The following ANKS4B variants were observed in gnomAD, a reference collection of about 807,000 sequenced individuals.
ANKS4B encodes the protein ankyrin repeat and SAM domain-containing protein 4B.
Under a neutral mutation model 20.2 loss-of-function variants are expected in ANKS4B, and 21 were observed. The ratio of observed to expected loss-of-function variants is 1.04; its 90% CI spans 0.74 to 1.50. The LOEUF is 1.50. Among genes scored for constraint, ANKS4B ranks in the 40% most tolerant of loss-of-function variants. The pLI is 0.00. For missense variants in ANKS4B, 473 were observed against 494.6 expected (o/e 0.96, Z 0.41); for synonymous variants, 179 against 194.5 (o/e 0.92, Z 0.66).
At chr16:21,237,153 TG>T (rs962631879) in intron 1 of ANKS4B, among the ~76,000 whole-genome samples, 9 of 152,138 alleles carry the variant, frequency 5.9e-5, no homozygotes, top group Non-Finnish European at 1.3e-4. Flanking sequence ...CCTAAGTAGC[TG>T]GGTCTACAGG....
rs558312696 is a variant in ANKS4B, at chr16:21,242,056, T to A, written c.165-7675T>A. 1.3e-4 allele frequency among the ~76,000 whole-genome samples: 20 copies of A among 152,230 alleles called. No individual in the cohort carries two copies. In the South Asian group the frequency reaches 3.7e-3, roughly 28 times the overall value. On this transcript the variant is annotated intron_variant, in intron 1 of 1. Coordinates refer to ENST00000311620, the MANE Select transcript of ANKS4B (RefSeq NM_145865.3). ...CTATAAAAAATAAATAACTAATTTT[T>A]AAAAAAACTATAGTCATCATGTGTT...
At chr16:21,236,895 G>A (rs2093320884) in intron 1 of ANKS4B, among the ~76,000 whole-genome samples, 1 of 152,052 alleles carries the variant, frequency 6.6e-6, no homozygotes, top group Non-Finnish European at 1.5e-5. Context: ...ATAAATTTCA[G>A]GGACTTTGTA....
At chr16:21,245,492 G>C (rs1188565748) in intron 1 of ANKS4B, among the ~76,000 whole-genome samples, 1 of 150,902 alleles carries the variant, frequency 6.6e-6, no homozygotes, top group Non-Finnish European at 1.5e-5. Context: ...TTATTTTTTT[G>C]AGACAGAGTC....
Position 21,250,535 on chromosome 16 carries a change from C to A in ANKS4B, c.969C>A (p.Asn323Lys). The A allele has an allele frequency of 1.2e-6, 2 of 1,614,138 alleles. No individual in the cohort carries two copies. The highest frequency in any genetic ancestry group is 1.7e-6 in the Non-Finnish European group (2 of 1,180,018). The stretch of plus-strand genomic sequence containing the variant: ...CAGCTGATGAAGAGGGAGAGGAAAA[C>A]GGCCTCAAAGATGATCTGCCGTGGG... ...EGAADEEGEE[N>K]GLKDDLPWDD... is the part of the protein sequence containing the mutation. Residue 323 changes from asparagine to lysine, a missense_variant, in exon 2 of 2, where the codon AAC becomes AAA. Physicochemically the swap from Asn to Lys is moderately conservative, Grantham distance 94 (BLOSUM62 0). Coordinates refer to ENST00000311620, the MANE Select transcript of ANKS4B (RefSeq NM_145865.3).
chr16:21,250,952 G>A lies in ANKS4B; in HGVS notation c.*132G>A. On this transcript the variant is annotated 3_prime_UTR_variant, in exon 2 of 2. Coordinates refer to ENST00000311620, the MANE Select transcript of ANKS4B (RefSeq NM_145865.3). ...GGGCATCGGAAATGCCTACCTGAGAGAGAGACCCAAACTTTACTCTGGGAG... is the reference window on the plus strand; with the variant it reads ...GGGCATCGGAAATGCCTACCTGAGAAAGAGACCCAAACTTTACTCTGGGAG... 1.5e-6 allele frequency: 2 copies of A among 1,319,678 alleles called. No individual in the cohort carries two copies. The highest frequency in any genetic ancestry group is 2.4e-5 in the East Asian group (1 of 42,104). 81.7% of individuals were successfully genotyped at this position (1,319,678 alleles called of 1,614,324 possible). A position where few individuals can be genotyped will look rare whatever the true frequency, so the allele number is the denominator to read the frequency against.
intron 1 of ANKS4B, among the ~76,000 whole-genome samples, chr16:21,245,702 T>C (rs989393339): frequency 9.9e-5 from 15 of 152,074 alleles, no homozygotes; most frequent in African/African-American, 3.6e-4. Context: ...TGGCCTCCAG[T>C]GATCCACCAG....
chr16:21,253,044 GAAAA>G lies in ANKS4B; in HGVS notation c.*2227_*2230del, dbSNP rs1378000458. On this transcript the variant is annotated 3_prime_UTR_variant, in exon 2 of 2. Transcript: ENST00000311620. ...TCTCAAAAAAAAAAAAAAAAAAAAAGAAAAAAGAAACTGACAACACTGCTGCTGA... is the reference window on the plus strand; with the variant it reads ...TCTCAAAAAAAAAAAAAAAAAAAAAGAAGAAACTGACAACACTGCTGCTGA... 1 of 131,204 alleles carries G rather than the reference GAAAA, an allele frequency of 7.6e-6. No individual in the cohort carries two copies. Among genetic ancestry groups the G allele is most frequent in the Non-Finnish European group, 1.7e-5 (1 of 60,494 alleles). 8.1% of individuals were successfully genotyped at this position (131,204 alleles called of 1,614,324 possible). A position where few individuals can be genotyped will look rare whatever the true frequency, so the allele number is the denominator to read the frequency against.
At chr16:21,245,716 C>T (rs774085875) in intron 1 of ANKS4B, among the ~76,000 whole-genome samples, 13 of 152,100 alleles carry the variant, frequency 8.5e-5, no homozygotes, top group Non-Finnish European at 1.6e-4. Flanking sequence ...CCACCAGCCT[C>T]GGCCTCCCAA....
intron 1 of ANKS4B, among the ~76,000 whole-genome samples, chr16:21,243,159 G>A (rs1230153743): frequency 2.0e-5 from 3 of 152,200 alleles, no homozygotes; most frequent in East Asian, 1.9e-4. Flanking sequence ...TGTAACAGAT[G>A]CTCAGGGTAA....
At position 21,252,514 on chromosome 16, in the gene ANKS4B, A is replaced by G. The variant is rs1019281424; in HGVS notation, c.*1694A>G. The G allele has an allele frequency of 2.0e-5, 3 of 152,244 alleles. No individual in the cohort carries two copies. The highest frequency in any genetic ancestry group is 7.2e-5 in the African/African-American group (3 of 41,464). The allele number at this position is 152,244 out of a possible 1,614,324, so 9.4% of individuals were successfully genotyped here. A position where few individuals can be genotyped will look rare whatever the true frequency, so the allele number is the denominator to read the frequency against. The stretch of plus-strand genomic sequence containing the variant: ...GTCCTAAGTAAGAGGGTTGGGGAGG[A>G]GACCAAGAAAAATACAGAAAAAAAG... On this transcript the variant is annotated 3_prime_UTR_variant, in exon 2 of 2. Coordinates refer to ENST00000311620, the MANE Select transcript of ANKS4B (RefSeq NM_145865.3).
At chr16:21,237,932 C>A (rs536390811) in intron 1 of ANKS4B, among the ~76,000 whole-genome samples, 11 of 152,114 alleles carry the variant, frequency 7.2e-5, no homozygotes, top group Non-Finnish European at 8.8e-5. Flanking sequence ...GAAGCCAAGG[C>A]GGGCAGATCA....
chr16:21,239,474 A>G (rs952769319), intron 1 of ANKS4B, among the ~76,000 whole-genome samples: 1 of 152,180 alleles, frequency 6.6e-6, no homozygotes, highest in East Asian at 1.9e-4. Context: ...CCAGCTCCTC[A>G]GGAGGCTGAG....
At chr16:21,236,232 A>G (rs2093320073) in intron 1 of ANKS4B, among the ~76,000 whole-genome samples, 3 of 152,166 alleles carry the variant, frequency 2.0e-5, no homozygotes, top group African/African-American at 7.2e-5. Context: ...AGATCTAATG[A>G]GAGCTCACTA....
intron 1 of ANKS4B, among the ~76,000 whole-genome samples, chr16:21,235,175 A>G (rs988256012): frequency 2.0e-5 from 3 of 152,222 alleles, no homozygotes; most frequent in Non-Finnish European, 2.9e-5. Context: ...ACAAAAAGGG[A>G]AATAGAGGGC....
chr16:21,247,057 T>G (rs1298897310), intron 1 of ANKS4B, among the ~76,000 whole-genome samples: 4 of 151,952 alleles, frequency 2.6e-5, no homozygotes, highest in African/African-American at 9.7e-5. Flanking sequence ...TCTTCTGTAC[T>G]TTTTTTGGTT....
intron 1 of ANKS4B, among the ~76,000 whole-genome samples, chr16:21,236,696 CCACAG>C (rs2152859137): frequency 6.6e-6 from 1 of 152,188 alleles, no homozygotes; most frequent in South Asian, 2.1e-4. Flanking sequence ...CAGGTGTGAG[CCACAG>C]CACTCAGCCT....
At chr16:21,247,905 T>C (rs960920310) in intron 1 of ANKS4B, among the ~76,000 whole-genome samples, 2 of 152,228 alleles carry the variant, frequency 1.3e-5, no homozygotes, top group Non-Finnish European at 2.9e-5. Context: ...GACACACTTA[T>C]ATGAACCTGC....
At chr16:21,244,974 G>A (rs1217159739) in intron 1 of ANKS4B, among the ~76,000 whole-genome samples, 2 of 152,044 alleles carry the variant, frequency 1.3e-5, no homozygotes, top group African/African-American at 2.4e-5. Flanking sequence ...CCCCAAATAG[G>A]CCTTGTAATA....
At chr16:21,248,199 A>T (rs2093334650) in intron 1 of ANKS4B, among the ~76,000 whole-genome samples, 1 of 152,098 alleles carries the variant, frequency 6.6e-6, no homozygotes. Flanking sequence ...ATTTTAAAAA[A>T]AAATTTAATG....
Sources: allele counts gnomAD v4.1 joint callset (sites outside exome capture counted in the v4.1 genomes callset), GRCh38; gene constraint gnomAD v4.1.1; transcripts MANE v1.5; gene names NCBI Gene and HGNC (gene_info 2026-07-23, HGNC 2026-07-21).